The following PDLIM5 variants were observed in gnomAD, a reference collection of about 807,000 sequenced individuals.
PDLIM5 encodes the protein PDZ and LIM domain 5.
In PDLIM5, 34 loss-of-function variants were observed where a neutral mutation model predicts 64.2. The observed-to-expected ratio is 0.53, with a 90% CI of 0.40 to 0.71. The LOEUF (loss-of-function observed/expected upper bound fraction) is 0.71, where lower values mean the gene tolerates loss of function less well. Among genes scored for constraint, PDLIM5 ranks in the 30% least tolerant of loss-of-function variants. The pLI is 0.00. For synonymous variants in PDLIM5, 253 were observed against 269.1 expected (o/e 0.94, Z 0.59); for missense variants, 683 against 733.6 (o/e 0.93, Z 0.80).
At chr4:94,639,388 A>G (rs1287087700) in intron 8 of PDLIM5, among the ~76,000 whole-genome samples, 1 of 152,134 alleles carries the variant, frequency 6.6e-6, no homozygotes, top group Non-Finnish European at 1.5e-5. Context: ...GAGAGGATGA[A>G]TGTAAGAAGG....
intron 2 of PDLIM5, among the ~76,000 whole-genome samples, chr4:94,487,968 A>G (rs1394368187): frequency 6.6e-6 from 1 of 152,210 alleles, no homozygotes; most frequent in Admixed American, 6.6e-5. Context: ...AGTACTCGTG[A>G]TTTAAGGACA....
chr4:94,494,435 T>G (rs1263428365), intron 2 of PDLIM5, among the ~76,000 whole-genome samples: 19 of 45,336 alleles, frequency 4.2e-4, no homozygotes, highest in Non-Finnish European at 6.1e-4. Flanking sequence ...TTTTCTTGTT[T>G]TTTTTTTTTT....
chr4:94,663,781 T>C (rs762192159), intron 12 of PDLIM5, among the ~76,000 whole-genome samples, 197 bp from the exon 13 acceptor site: 5 of 152,208 alleles, frequency 3.3e-5, no homozygotes, highest in Non-Finnish European at 7.3e-5. Flanking sequence ...GAAAAAGCAA[T>C]TTTTCATTGC....
rs1742301962 is a variant in PDLIM5 at position 94,657,517 on chromosome 4, T to C, written c.1555T>C (p.Leu519=). The change falls in exon 11 of 13, where the codon TTG becomes CTG. Residue 519 remains leucine (L), a synonymous_variant. Coordinates refer to ENST00000317968, the MANE Select transcript of PDLIM5 (RefSeq NM_006457.5). The part of the protein sequence containing the change: ...GKPIRNNVFH[L]EDGEPYCETD... ...GCCCATTCGGAACAATGTTTTTCACTTGGAGGATGGTGAACCCTACTGTGA... is the reference window on the plus strand; with the variant it reads ...GCCCATTCGGAACAATGTTTTTCACCTGGAGGATGGTGAACCCTACTGTGA... The C allele has an allele frequency of 6.2e-7, 1 of 1,611,206 alleles. No individual in the cohort carries two copies. The highest frequency in any genetic ancestry group is 1.3e-5 in the African/African-American group (1 of 74,996).
intron 5 of PDLIM5, chr4:94,584,423 G>C (rs538551412): frequency 5.9e-5 from 9 of 152,218 alleles, no homozygotes; most frequent in African/African-American, 2.2e-4. Context: ...CAAAGTTCTT[G>C]AACTCTGTAG....
intron 3 of PDLIM5, among the ~76,000 whole-genome samples, chr4:94,560,581 G>A (rs1440375656): frequency 6.6e-6 from 1 of 152,168 alleles, no homozygotes; most frequent in Non-Finnish European, 1.5e-5. Context: ...AAACTGAGAG[G>A]TTAAGTAACT....
chr4:94,560,385 T>G (rs1303336318), intron 3 of PDLIM5, among the ~76,000 whole-genome samples: 1 of 152,218 alleles, frequency 6.6e-6, no homozygotes, highest in Non-Finnish European at 1.5e-5. Context: ...AATTTGGACC[T>G]GAATTATTTC....
At chr4:94,648,346 G>A (rs1036991082) in intron 9 of PDLIM5, among the ~76,000 whole-genome samples, 2 of 151,986 alleles carry the variant, frequency 1.3e-5, no homozygotes, top group Non-Finnish European at 2.9e-5. Flanking sequence ...TTGAGACTGA[G>A]TCTCACTCTG....
At chr4:94,563,473 G>GA (rs1445110331) in intron 3 of PDLIM5, among the ~76,000 whole-genome samples, 6 of 152,128 alleles carry the variant, frequency 3.9e-5, no homozygotes, top group Admixed American at 2.0e-4. Context: ...GCTAAGTTGA[G>GA]ATTGTGAAGA....
chr4:94,535,132 G>A (rs1310221645), intron 3 of PDLIM5, among the ~76,000 whole-genome samples: 1 of 152,104 alleles, frequency 6.6e-6, no homozygotes, highest in African/African-American at 2.4e-5. Context: ...GACTAGTCAG[G>A]CAAGTATTGC....
At chr4:94,642,825 T>C (rs1230338083) in intron 9 of PDLIM5, among the ~76,000 whole-genome samples, 1 of 152,178 alleles carries the variant, frequency 6.6e-6, no homozygotes, top group Non-Finnish European at 1.5e-5. Flanking sequence ...ACACCTGTTT[T>C]AAAAACGAGC....
At chr4:94,523,301 CAA>C (rs1318381769) in intron 2 of PDLIM5, among the ~76,000 whole-genome samples, 2 of 152,096 alleles carry the variant, frequency 1.3e-5, no homozygotes, top group Admixed American at 6.5e-5. Flanking sequence ...TGTGCTCAAA[CAA>C]AAATACAGCT....
At chr4:94,534,446 C>G (rs888104256) in intron 3 of PDLIM5, among the ~76,000 whole-genome samples, 1 of 152,100 alleles carries the variant, frequency 6.6e-6, no homozygotes, top group Non-Finnish European at 1.5e-5. Context: ...TACATTATGA[C>G]TAGCAGCCAT....
intron 1 of PDLIM5, 57 bp from the exon 2 acceptor site, chr4:94,455,190 T>C (rs1369213294): frequency 2.9e-6 from 2 of 679,958 alleles, no homozygotes; most frequent in African/African-American, 3.6e-5. Context: ...TAAACATAAT[T>C]TATGTTCTAG....
chr4:94,646,166 C>T (rs763554178), intron 9 of PDLIM5, among the ~76,000 whole-genome samples: 32 of 152,078 alleles, frequency 2.1e-4, no homozygotes, highest in Non-Finnish European at 4.0e-4. Context: ...CTGTTGTGAA[C>T]CGAATTGTGT....
At chr4:94,640,500 GTTTTT>G (rs10716970) in intron 9 of PDLIM5, 50 bp downstream of exon 9, 45 of 751,414 alleles carry the variant, frequency 6.0e-5, no homozygotes, top group East Asian at 1.7e-4. Flanking sequence ...TCAATGTTGG[GTTTTT>G]TTTTTTTTTT....
At chr4:94,659,802 A>G (rs920408346) in intron 11 of PDLIM5, among the ~76,000 whole-genome samples, 3 of 151,850 alleles carry the variant, frequency 2.0e-5, no homozygotes, top group Admixed American at 1.3e-4. Context: ...TGCTGGGATT[A>G]CAAGCGTGAG....
intron 3 of PDLIM5, among the ~76,000 whole-genome samples, chr4:94,569,381 A>G (rs761299026): frequency 1.9e-4 from 29 of 152,176 alleles, no homozygotes; most frequent in Admixed American, 1.3e-3. Flanking sequence ...GTGCAGTGGC[A>G]CAATCTCGGC....
chr4:94,461,777 A>G (rs1387500288), intron 2 of PDLIM5, among the ~76,000 whole-genome samples: 1 of 152,224 alleles, frequency 6.6e-6, no homozygotes, highest in Non-Finnish European at 1.5e-5. Context: ...GTTGTAGTAA[A>G]TGTCCCTAAT....
Sources: allele counts gnomAD v4.1 joint callset (sites outside exome capture counted in the v4.1 genomes callset), GRCh38; gene constraint gnomAD v4.1.1; transcripts MANE v1.5; gene names NCBI Gene and HGNC (gene_info 2026-07-23, HGNC 2026-07-21).